SCAF4: variants seen among roughly 807,000 people sequenced by gnomAD.
SCAF4 encodes SR-related CTD associated factor 4, also known as SR-related and CTD-associated factor 4.
SCAF4 carries 25 observed loss-of-function variants against 129.8 expected under a neutral mutation model. The observed-to-expected ratio is 0.19, with a 90% CI of 0.14 to 0.27. The LOEUF (loss-of-function observed/expected upper bound fraction) is 0.27. Among genes scored for constraint, SCAF4 ranks in the 10% least tolerant of loss-of-function variants. SCAF4 has a pLI of 1.00. For missense variants in SCAF4, 1,246 were observed against 1,457.1 expected (o/e 0.86, Z 2.36); for synonymous variants, 551 against 497.7 (o/e 1.11, Z -1.43).
intron 16 of SCAF4, among the ~76,000 whole-genome samples, chr21:31,686,768 C>T (rs1161841744): frequency 2.0e-5 from 3 of 152,090 alleles, no homozygotes; most frequent in South Asian, 2.1e-4. Context: ...TGAACCCTGT[C>T]GTGAAATGCA....
rs769380757 is a variant in SCAF4, at chr21:31,671,799, C to T, written c.3044G>A (p.Arg1015Gln). 5.6e-6 allele frequency: 9 copies of T among 1,614,106 alleles called. No individual in the cohort carries two copies. The highest frequency in any genetic ancestry group is 3.3e-5 in the Admixed American group (2 of 60,026). The change falls in exon 20 of 20, where the codon CGG becomes CAG. Residue 1015 changes from arginine (R) to glutamine (Q), a missense_variant. Around this residue, in one of 6 missense-constraint regions of SCAF4, gnomAD observed 339 missense variants for 325.0 expected, o/e 1.04. Transcript: ENST00000286835. Reference protein sequence around the residue: ...FGNRVENDRERYGNRNDDRDN... With the variant: ...FGNRVENDREQYGNRNDDRDN... ...TCTATCATCATTACGGTTCCCATACCGTTCCCGGTCATTTTCCACCCTATT... is the reference window on the plus strand; with the variant it reads ...TCTATCATCATTACGGTTCCCATACTGTTCCCGGTCATTTTCCACCCTATT...
chr21:31,726,703 G>C (rs946533959), intron 1 of SCAF4, among the ~76,000 whole-genome samples: 1 of 152,130 alleles, frequency 6.6e-6, no homozygotes, highest in African/African-American at 2.4e-5. Context: ...AAAAGTTTGA[G>C]AACAGCTGTC....
intron 1 of SCAF4, among the ~76,000 whole-genome samples, chr21:31,717,161 C>T (rs1324368461): frequency 3.3e-5 from 5 of 152,084 alleles, no homozygotes; most frequent in Non-Finnish European, 2.9e-5. Context: ...GTTTTAATTC[C>T]GAAGAGAAAT....
At position 31,731,824 on chromosome 21, in the gene SCAF4, G is replaced by C. The variant is rs537961595; in HGVS notation, c.-132C>G. 39 of 1,029,302 alleles carry C rather than the reference G, an allele frequency of 3.8e-5. No individual in the cohort carries two copies. Among genetic ancestry groups the C allele is most frequent in the Non-Finnish European group, 5.0e-5 (38 of 760,790 alleles). The allele number at this position is 1,029,302 out of a possible 1,614,324, so 63.8% of individuals were successfully genotyped here. A position where few individuals can be genotyped will look rare whatever the true frequency, so the allele number is the denominator to read the frequency against. The stretch of plus-strand genomic sequence containing the variant: ...GACGAGCGGCGGAGTCCGAGGCCCG[G>C]GCAGGAAGAGGCTGCGCCCGAAGCG... On this transcript the variant is annotated 5_prime_UTR_variant, in exon 1 of 20. Transcript: ENST00000286835.
At chr21:31,685,323 C>A in intron 18 of SCAF4, 75 bp downstream of exon 18, 1 of 1,494,874 alleles carries the variant, frequency 6.7e-7, no homozygotes, top group Non-Finnish European at 9.2e-7. Context: ...ACTATAGATC[C>A]TATTACCGCT....
chr21:31,696,585 G>A lies in SCAF4; in HGVS notation c.943C>T (p.Pro315Ser). 1 of 1,608,872 alleles carries A rather than the reference G, an allele frequency of 6.2e-7. No individual in the cohort carries two copies. The highest frequency in any genetic ancestry group is 2.2e-5 in the East Asian group (1 of 44,830). The change falls in exon 8 of 20, where the codon CCT becomes TCT. Residue 315 changes from proline to serine, a missense_variant. Pro to Ser is a moderately conservative substitution (Grantham distance 74, BLOSUM62 -1). Around this residue, in one of 6 missense-constraint regions of SCAF4, gnomAD observed 236 missense variants for 210.0 expected, o/e 1.12. Transcript: ENST00000286835. ...AAAPAAASPP[P>S]PQAPFGFPGD... Reference sequence around the variant, plus strand: ...AAAACTAACAATGGTGCCTGTGGAGGAGGAGGAGAGGCAGCAGCGGGTGCA... The same window carrying A: ...AAAACTAACAATGGTGCCTGTGGAGAAGGAGGAGAGGCAGCAGCGGGTGCA...
intron 6 of SCAF4, 60 bp downstream of exon 6, chr21:31,701,716 C>G: frequency 6.7e-7 from 1 of 1,503,374 alleles, no homozygotes. Flanking sequence ...GAATAGAAAA[C>G]AAGAAGTGAC....
At chr21:31,693,228 TA>T in intron 12 of SCAF4, 65 bp downstream of exon 12, 3 of 1,166,712 alleles carry the variant, frequency 2.6e-6, no homozygotes, top group African/African-American at 3.2e-5. Flanking sequence ...CTAACAGTTA[TA>T]AAACACTTTA....
At position 31,671,554 on chromosome 21, in the gene SCAF4, T is replaced by A; in HGVS notation, c.3289A>T (p.Ile1097Phe). 2 of 1,614,204 alleles carry A rather than the reference T, an allele frequency of 1.2e-6. No homozygotes were observed. The highest frequency in any genetic ancestry group is 1.7e-6 in the Non-Finnish European group (2 of 1,180,028). ...AGGNKTVEPP[I>F]SQVGNVDTAS... ...GTGTCTACATTTCCCACTTGGCTAA[T>A]GGGAGGTTCAACGGTTTTGTTACCA... Residue 1097 changes from isoleucine (I) to phenylalanine (F), a missense_variant, in exon 20 of 20, where the codon ATT becomes TTT. Physicochemically the swap from Ile to Phe is conservative, Grantham distance 21. Coordinates refer to ENST00000286835, the MANE Select transcript of SCAF4 (RefSeq NM_020706.2).
chr21:31,697,576 T>C (rs562723871), intron 7 of SCAF4, among the ~76,000 whole-genome samples: 1 of 152,226 alleles, frequency 6.6e-6, no homozygotes, highest in Non-Finnish European at 1.5e-5. Flanking sequence ...ACTAGTCCTT[T>C]TGACTTCAAA....
At chr21:31,691,740 T>C (rs2050264680) in intron 14 of SCAF4, 77 bp downstream of exon 14, 1 of 560,880 alleles carries the variant, frequency 1.8e-6, no homozygotes, top group African/African-American at 1.9e-5. Flanking sequence ...AAGACCCAAA[T>C]TAGTTTTTAT....
At chr21:31,687,259 G>A (rs1039421157) in intron 16 of SCAF4, among the ~76,000 whole-genome samples, 28 of 152,198 alleles carry the variant, frequency 1.8e-4, no homozygotes, top group Admixed American at 1.5e-3. Flanking sequence ...TTTTCAAAGG[G>A]TTTTTCATTT....
chr21:31,729,872 T>C (rs984822728), intron 1 of SCAF4, among the ~76,000 whole-genome samples: 14 of 152,236 alleles, frequency 9.2e-5, no homozygotes, highest in Admixed American at 5.2e-4. Context: ...AATTACTGAT[T>C]GTGCCTTTTC....
In SCAF4 at chr21:31,731,882, G is replaced by A. The variant is rs993534058; in HGVS notation, c.-190C>T. The A allele has an allele frequency of 1.1e-5, 6 of 546,492 alleles. No homozygotes were observed. The highest frequency in any genetic ancestry group is 2.0e-5 in the African/African-American group (1 of 49,768). 33.9% of individuals were successfully genotyped at this position (546,492 alleles called of 1,614,324 possible). A position where few individuals can be genotyped will look rare whatever the true frequency, so the allele number is the denominator to read the frequency against. On this transcript the variant is annotated 5_prime_UTR_variant, in exon 1 of 20. Coordinates refer to ENST00000286835, the MANE Select transcript of SCAF4 (RefSeq NM_020706.2). ...GGGCGGCCGAGGCAGAGGCGGAGAG[G>A]TGGCGGGCCCCCTCTCAGTCCCGTT...
intron 19 of SCAF4, among the ~76,000 whole-genome samples, chr21:31,677,280 C>T (rs1036295954): frequency 1.3e-5 from 2 of 152,062 alleles, no homozygotes; most frequent in Non-Finnish European, 2.9e-5. Context: ...AGCACATAGC[C>T]CTTCTTGCTT....
intron 15 of SCAF4, 33 bp from the exon 16 acceptor site, chr21:31,688,497 A>C: frequency 6.4e-7 from 1 of 1,564,400 alleles, no homozygotes; most frequent in Non-Finnish European, 8.8e-7. Flanking sequence ...ACAAGAGTTT[A>C]CCATTTTCAG....
rs377692114 is a variant in SCAF4 at position 31,693,408 on chromosome 21, T to G, written c.1399A>C (p.Arg467=). 1.3e-5 allele frequency: 21 copies of G among 1,576,280 alleles called. 1 individual carries two copies. In the Middle Eastern group the frequency reaches 6.9e-4, roughly 52 times the overall value. Residue 467 remains arginine, a synonymous_variant, in exon 12 of 20, where the codon AGG becomes CGG. Transcript: ENST00000286835. ...CGGGGAGAATGTCGGCGTCTATCCCTGGACCGAGATCGAGAACGTCGATGC... is the reference window on the plus strand; with the variant it reads ...CGGGGAGAATGTCGGCGTCTATCCCGGGACCGAGATCGAGAACGTCGATGC... ...SRHRRSRSRS[R]DRRRHSPRSR...
At chr21:31,710,709 G>A (rs2050780192) in intron 1 of SCAF4, among the ~76,000 whole-genome samples, 1 of 152,182 alleles carries the variant, frequency 6.6e-6, no homozygotes, top group Non-Finnish European at 1.5e-5. Context: ...TGCTACAAGA[G>A]GTTAATCAGG....
At chr21:31,702,430 C>A (rs372192710) in intron 4 of SCAF4, 51 bp from the exon 5 acceptor site, 3 of 1,485,932 alleles carry the variant, frequency 2.0e-6, no homozygotes, top group Admixed American at 2.0e-5. Context: ...CATAAATAAC[C>A]GATTATACTC....
Sources: allele counts gnomAD v4.1 joint callset (sites outside exome capture counted in the v4.1 genomes callset), GRCh38; gene constraint gnomAD v4.1.1; regional missense constraint gnomAD v4.1.1; transcripts MANE v1.5; gene names NCBI Gene and HGNC (gene_info 2026-07-23, HGNC 2026-07-21).